The following SLC24A3 variants were observed in gnomAD, a reference collection of about 807,000 sequenced individuals.
The protein encoded by SLC24A3 is sodium/potassium/calcium exchanger 3.
SLC24A3 carries 28 observed loss-of-function variants against 75.8 expected under a neutral mutation model. The observed-to-expected ratio is 0.37, with a 90% CI of 0.27 to 0.51. The LOEUF is 0.51. Among genes scored for constraint, SLC24A3 ranks in the 20% least tolerant of loss-of-function variants. SLC24A3 has a pLI of 0.94. For missense variants in SLC24A3, 663 were observed against 847.8 expected (o/e 0.78, Z 2.71); for synonymous variants, 372 against 334.1 (o/e 1.11, Z -1.24).
chr20:19,371,702 G>T (rs1162059612), intron 2 of SLC24A3, among the ~76,000 whole-genome samples: 1 of 152,040 alleles, frequency 6.6e-6, no homozygotes, highest in African/African-American at 2.4e-5. Flanking sequence ...TTTGGGGTGG[G>T]ACCCCAGACC....
Position 19,397,100 on chromosome 20 carries a change from G to A in SLC24A3, c.271+116013G>A, listed in dbSNP as rs569601157. ...CTTTGATAAATGTGTTTGTATATGC[G>A]TTTGCATTTCAACCCCACTCAATAG... On this transcript the variant is annotated intron_variant, in intron 2 of 16. Coordinates refer to ENST00000328041, the MANE Select transcript of SLC24A3 (RefSeq NM_020689.4). 1.3e-4 allele frequency among the ~76,000 whole-genome samples: 20 copies of A among 152,178 alleles called. No individual in the cohort carries two copies. The South Asian group carries it at 2.1e-3, about 16-fold the overall frequency.
chr20:19,529,697 C>T (rs1173259148), intron 3 of SLC24A3, among the ~76,000 whole-genome samples: 3 of 152,188 alleles, frequency 2.0e-5, no homozygotes, highest in Non-Finnish European at 4.4e-5. Context: ...GACCTTCCTC[C>T]TGTTTGACAG....
At chr20:19,472,212 A>G (rs1205417097) in intron 2 of SLC24A3, among the ~76,000 whole-genome samples, 1 of 152,240 alleles carries the variant, frequency 6.6e-6, no homozygotes, top group Non-Finnish European at 1.5e-5. Context: ...ATTTTTAAAT[A>G]GATCCTTCAC....
intron 2 of SLC24A3, among the ~76,000 whole-genome samples, chr20:19,332,233 G>T (rs544369535): frequency 6.6e-6 from 1 of 152,298 alleles, no homozygotes; most frequent in South Asian, 2.1e-4. Flanking sequence ...TGATTATTGT[G>T]TGGAGCTTGA....
intron 1 of SLC24A3, among the ~76,000 whole-genome samples, chr20:19,228,730 T>G (rs1479906365): frequency 6.6e-6 from 1 of 151,954 alleles, no homozygotes; most frequent in African/African-American, 2.4e-5. Flanking sequence ...ACAATATATA[T>G]AGAAAAAAAT....
intron 1 of SLC24A3, among the ~76,000 whole-genome samples, chr20:19,214,648 C>G (rs1251466664): frequency 6.6e-6 from 1 of 152,026 alleles, no homozygotes; most frequent in Non-Finnish European, 1.5e-5. Context: ...AGGGGGCTGC[C>G]TGGGCCCTGA....
chr20:19,491,360 C>G (rs1271245997), intron 2 of SLC24A3, among the ~76,000 whole-genome samples: 3 of 152,210 alleles, frequency 2.0e-5, no homozygotes, highest in Non-Finnish European at 2.9e-5. Flanking sequence ...AAAGATGGTT[C>G]TTTCGACATG....
intron 1 of SLC24A3, among the ~76,000 whole-genome samples, chr20:19,226,496 G>A (rs1449819600): frequency 1.3e-5 from 2 of 152,148 alleles, no homozygotes; most frequent in Admixed American, 1.3e-4. Context: ...GGTGGGTCAT[G>A]CTTTTTAACT....
At chr20:19,383,344 C>A (rs180713265) in intron 2 of SLC24A3, among the ~76,000 whole-genome samples, 146 of 152,252 alleles carry the variant, frequency 9.6e-4, no homozygotes, top group Admixed American at 5.4e-3. Context: ...ATAGGGGAGA[C>A]AAACTGTTTC....
chr20:19,522,785 G>C (rs2030126389), intron 3 of SLC24A3, among the ~76,000 whole-genome samples: 1 of 7,512 alleles, frequency 1.3e-4, no homozygotes, highest in African/African-American at 8.8e-4. Flanking sequence ...GCTCCTGCAG[G>C]GTTTTTTTTT....
intron 1 of SLC24A3, among the ~76,000 whole-genome samples, chr20:19,277,177 C>T (rs1165304816): frequency 6.6e-6 from 1 of 152,356 alleles, no homozygotes. Context: ...TTCAAATCCT[C>T]ATTCTGCTAC....
chr20:19,533,530 G>A (rs953498547), intron 3 of SLC24A3, among the ~76,000 whole-genome samples: 1 of 152,152 alleles, frequency 6.6e-6, no homozygotes, highest in Admixed American at 6.5e-5. Context: ...TGTGGAGCCA[G>A]GTGAAGGGGT....
chr20:19,347,282 A>T (rs1344129776), intron 2 of SLC24A3, among the ~76,000 whole-genome samples: 1 of 152,188 alleles, frequency 6.6e-6, no homozygotes, highest in African/African-American at 2.4e-5. Flanking sequence ...CTATTCTCTT[A>T]TGATACTGTA....
At chr20:19,577,968 G>T (rs1259134206) in intron 3 of SLC24A3, among the ~76,000 whole-genome samples, 1 of 152,130 alleles carries the variant, frequency 6.6e-6, no homozygotes, top group Non-Finnish European at 1.5e-5. Context: ...TAGTGTTAAA[G>T]TATACTTTAG....
intron 2 of SLC24A3, among the ~76,000 whole-genome samples, chr20:19,313,388 A>G (rs1441253135): frequency 6.6e-6 from 1 of 152,080 alleles, no homozygotes; most frequent in African/African-American, 2.4e-5. Flanking sequence ...GAAATGAAGC[A>G]TGTTGTTTCG....
At chr20:19,545,111 TA>T (rs2030565632) in intron 3 of SLC24A3, among the ~76,000 whole-genome samples, 1 of 152,228 alleles carries the variant, frequency 6.6e-6, no homozygotes, top group African/African-American at 2.4e-5. Flanking sequence ...CAGTGTTTAC[TA>T]GGCTCCAAGT....
intron 2 of SLC24A3, among the ~76,000 whole-genome samples, chr20:19,418,231 A>C (rs773613438): frequency 1.3e-5 from 2 of 152,240 alleles, no homozygotes; most frequent in Non-Finnish European, 2.9e-5. Flanking sequence ...CACATATGAA[A>C]CATCAAGAAA....
chr20:19,439,568 A>G (rs927531542), intron 2 of SLC24A3, among the ~76,000 whole-genome samples: 1 of 152,204 alleles, frequency 6.6e-6, no homozygotes, highest in Non-Finnish European at 1.5e-5. Flanking sequence ...GTAACTTCTT[A>G]GCACCCCACC....
intron 1 of SLC24A3, among the ~76,000 whole-genome samples, chr20:19,259,231 A>G (rs561171861): frequency 6.6e-6 from 1 of 152,340 alleles, no homozygotes; most frequent in Admixed American, 6.5e-5. Context: ...ACGAGTGTGC[A>G]GCTTGAGAGA....
Sources: gnomAD v4.1 joint callset for allele counts (sites outside exome capture counted in the v4.1 genomes callset) on GRCh38, gnomAD v4.1.1 for gene constraint, MANE v1.5 for transcripts, NCBI Gene and HGNC (gene_info 2026-07-23, HGNC 2026-07-21) for gene names.